SYN2: variants seen among roughly 807,000 people sequenced by gnomAD.
SYN2 encodes the protein synapsin-2.
SYN2 carries 19 observed loss-of-function variants against 50.9 expected under a neutral mutation model. The observed-to-expected ratio is 0.37, with a 90% CI of 0.26 to 0.55. The LOEUF (loss-of-function observed/expected upper bound fraction) is 0.55. Among genes scored for constraint, SYN2 ranks in the 20% least tolerant of loss-of-function variants. The pLI, the probability that SYN2 is intolerant of heterozygous loss-of-function variation, is 0.81. For missense variants in SYN2, 587 were observed against 576.4 expected (o/e 1.02, Z -0.19); for synonymous variants, 255 against 224.9 (o/e 1.13, Z -1.20).
At chr3:12,046,673 G>A (rs899069314) in intron 1 of SYN2, among the ~76,000 whole-genome samples, 26 of 152,120 alleles carry the variant, frequency 1.7e-4, no homozygotes, top group African/African-American at 5.8e-4. Context: ...CAAAAAACTA[G>A]GTGAGAGAAG....
intron 1 of SYN2, among the ~76,000 whole-genome samples, chr3:12,136,609 C>G (rs1489543912): frequency 6.6e-6 from 1 of 152,194 alleles, no homozygotes; most frequent in Non-Finnish European, 1.5e-5. Flanking sequence ...TCTCTGAAAT[C>G]ATATTCCTCA....
intron 10 of SYN2, among the ~76,000 whole-genome samples, chr3:12,170,654 T>G (rs974212700): frequency 2.6e-5 from 4 of 152,220 alleles, no homozygotes; most frequent in Non-Finnish European, 5.9e-5. Flanking sequence ...TGGGAAGAAC[T>G]TGGGACAATG....
Position 12,113,735 on chromosome 3 carries a change from G to A in SYN2, c.378-26916G>A, listed in dbSNP as rs1033809965. 8.5e-5 allele frequency among the ~76,000 whole-genome samples: 13 copies of A among 152,104 alleles called. 2 individuals are homozygous for A. The South Asian group carries it at 2.7e-3, about 32-fold the overall frequency. On this transcript the variant is annotated intron_variant, in intron 1 of 12. Coordinates refer to ENST00000621198, the MANE Select transcript of SYN2 (RefSeq NM_133625.6). ...TTTGGTGTTCGATTTCTTTGACTTA[G>A]TGTAATCTTTTCAAGTTTAATTCAT... is the stretch of plus-strand genomic sequence containing the variant.
At chr3:12,129,951 G>C (rs1286654285) in intron 1 of SYN2, among the ~76,000 whole-genome samples, 1 of 152,066 alleles carries the variant, frequency 6.6e-6, no homozygotes, top group African/African-American at 2.4e-5. Flanking sequence ...GAGAGACCAC[G>C]GCTTGCTCAC....
chr3:12,018,062 A>T (rs1007003816), intron 1 of SYN2, among the ~76,000 whole-genome samples: 1 of 152,176 alleles, frequency 6.6e-6, no homozygotes, highest in Non-Finnish European at 1.5e-5. Flanking sequence ...CATATGAAGG[A>T]ATTAAGGTCT....
chr3:12,184,946 T>G, intron 11 of SYN2: 1 of 985,712 alleles, frequency 1.0e-6, no homozygotes, highest in Non-Finnish European at 1.2e-6. Context: ...CATGTCACCG[T>G]TCTGAACTCC....
chr3:12,124,712 C>T (rs1032951358), intron 1 of SYN2, among the ~76,000 whole-genome samples: 2 of 152,104 alleles, frequency 1.3e-5, no homozygotes, highest in South Asian at 4.1e-4. Context: ...AATAGCATCA[C>T]TTATATTAAG....
At chr3:12,130,067 A>G (rs1452104084) in intron 1 of SYN2, among the ~76,000 whole-genome samples, 2 of 152,166 alleles carry the variant, frequency 1.3e-5, no homozygotes, top group Non-Finnish European at 2.9e-5. Context: ...TCTAGCCTCC[A>G]GATCTGTGAG....
At chr3:12,070,839 C>A (rs1179224195) in intron 1 of SYN2, 2 of 591,976 alleles carry the variant, frequency 3.4e-6, no homozygotes, top group Non-Finnish European at 3.3e-6. Flanking sequence ...ACAGCTTCAA[C>A]ACCATGGCTG....
chr3:12,062,918 C>G (rs916383378), intron 1 of SYN2, among the ~76,000 whole-genome samples: 1 of 151,970 alleles, frequency 6.6e-6, no homozygotes, highest in African/African-American at 2.4e-5. Context: ...AATGAGCTAT[C>G]AAGCTACAAA....
intron 1 of SYN2, chr3:12,070,520 T>C (rs1695327610): frequency 1.3e-6 from 1 of 797,576 alleles, no homozygotes; most frequent in Admixed American, 1.8e-5. Flanking sequence ...GTGAGTTGCG[T>C]GTGGCCCCGG....
chr3:12,167,620 T>C (rs1697835317), intron 8 of SYN2, among the ~76,000 whole-genome samples: 1 of 152,134 alleles, frequency 6.6e-6, no homozygotes. Flanking sequence ...TTTTTATAAT[T>C]ACCTAGCCTC....
intron 1 of SYN2, among the ~76,000 whole-genome samples, chr3:12,132,217 C>T (rs1330889181): frequency 2.6e-5 from 4 of 151,942 alleles, no homozygotes; most frequent in Admixed American, 6.6e-5. Context: ...TTCAGTAACT[C>T]TATAAACATT....
At chr3:12,027,653 G>T (rs1401971778) in intron 1 of SYN2, among the ~76,000 whole-genome samples, 2 of 152,172 alleles carry the variant, frequency 1.3e-5, no homozygotes, top group African/African-American at 4.8e-5. Context: ...TCTTCAAAGA[G>T]ATATTATCTC....
chr3:12,054,020 T>G (rs1694933933), intron 1 of SYN2, among the ~76,000 whole-genome samples: 1 of 152,040 alleles, frequency 6.6e-6, no homozygotes, highest in Non-Finnish European at 1.5e-5. Context: ...AGAATGATAG[T>G]AGGGGGAGTG....
chr3:12,150,102 G>A (rs190117700), intron 4 of SYN2, among the ~76,000 whole-genome samples: 4 of 152,230 alleles, frequency 2.6e-5, no homozygotes, highest in South Asian at 2.1e-4. Context: ...TGCCAGTATC[G>A]CTTGTAGAGA....
intron 1 of SYN2, among the ~76,000 whole-genome samples, chr3:12,121,620 A>G (rs1163500397): frequency 2.7e-5 from 4 of 149,762 alleles, no homozygotes; most frequent in African/African-American, 9.8e-5. Context: ...GAAGGGAGGA[A>G]AGGAGGAAAG....
intron 10 of SYN2, 83 bp downstream of exon 10, chr3:12,169,989 G>T: frequency 4.8e-6 from 7 of 1,470,666 alleles, no homozygotes; most frequent in Non-Finnish European, 6.3e-6. Flanking sequence ...AAAGAATGGA[G>T]TACAGGCCAG....
At chr3:12,190,121 ATG>A (rs1171299473) in intron 12 of SYN2, among the ~76,000 whole-genome samples, 3 of 152,244 alleles carry the variant, frequency 2.0e-5, no homozygotes, top group African/African-American at 7.2e-5. Context: ...CAGAAAAGTA[ATG>A]TGAGATTCCT....
Sources: allele counts gnomAD v4.1 joint callset (sites outside exome capture counted in the v4.1 genomes callset), GRCh38; gene constraint gnomAD v4.1.1; transcripts MANE v1.5; gene names NCBI Gene and HGNC (gene_info 2026-07-23, HGNC 2026-07-21).